Variants in CNTNAP2 observed in about 807,000 individuals in gnomAD.
CNTNAP2 encodes contactin associated protein 2.
In CNTNAP2, 98 loss-of-function variants were observed where a neutral mutation model predicts 155.2. That is an observed-to-expected ratio of 0.63 (90% CI 0.54 to 0.75). The LOEUF (loss-of-function observed/expected upper bound fraction) is 0.75, where lower values mean the gene tolerates loss of function less well. Ranked by LOEUF, CNTNAP2 falls within the 30% of genes least tolerant of loss-of-function variation. The pLI, the probability that CNTNAP2 is intolerant of heterozygous loss-of-function variation, is 0.00. For missense variants in CNTNAP2, 1,727 were observed against 1,688.1 expected (o/e 1.02, Z -0.40); for synonymous variants, 651 against 631.2 (o/e 1.03, Z -0.47).
intron 10 of CNTNAP2, among the ~76,000 whole-genome samples, chr7:147,424,162 T>G (rs1420710675): frequency 6.6e-6 from 1 of 152,172 alleles, no homozygotes; most frequent in East Asian, 1.9e-4. Flanking sequence ...ATACCTTCAA[T>G]CTACCCATTT....
intron 11 of CNTNAP2, among the ~76,000 whole-genome samples, chr7:147,561,571 C>T (rs1404125570): frequency 6.6e-6 from 1 of 152,130 alleles, no homozygotes; most frequent in Non-Finnish European, 1.5e-5. Flanking sequence ...GTAATTAAAG[C>T]ACCTGGAACA....
At chr7:147,801,938 C>T (rs749911450) in intron 13 of CNTNAP2, among the ~76,000 whole-genome samples, 129 of 148,752 alleles carry the variant, frequency 8.7e-4, no homozygotes, top group Admixed American at 1.7e-3. Flanking sequence ...GACGGGGCGG[C>T]TGGCCGGGCG....
At chr7:148,233,035 TC>T (rs1795989994) in intron 20 of CNTNAP2, among the ~76,000 whole-genome samples, 2 of 152,210 alleles carry the variant, frequency 1.3e-5, no homozygotes, top group Non-Finnish European at 2.9e-5. Context: ...TCCAGTGGCA[TC>T]ATTTGTGAAA....
chr7:146,774,316 T>C lies in CNTNAP2; in HGVS notation c.143T>C (p.Phe48Ser), dbSNP rs551931845. The change falls in exon 2 of 24, where the codon TTC becomes TCC. Residue 48 changes from phenylalanine to serine, a missense_variant. Phe to Ser is a radical substitution (Grantham distance 155, BLOSUM62 -2). Transcript: ENST00000361727. The stretch of plus-strand genomic sequence containing the variant: ...GTCTCTGGACTCCCCCATGTGGCTT[T>C]CAGCAGCTCCTCCTCCATCTCTGGT... ...PLVSGLPHVAFSSSSSISGSY... is the reference protein window; with the variant it reads ...PLVSGLPHVASSSSSSISGSY... 61 of 1,614,040 alleles carry C rather than the reference T, an allele frequency of 3.8e-5. No homozygotes were observed. In the South Asian group the frequency reaches 6.5e-4, roughly 17 times the overall value.
chr7:147,618,428 A>G (rs1801332401), intron 12 of CNTNAP2, among the ~76,000 whole-genome samples: 1 of 152,112 alleles, frequency 6.6e-6, no homozygotes, highest in South Asian at 2.1e-4. Context: ...GGTGGAAAAA[A>G]TCTCTCTGAT....
chr7:147,888,230 G>T (rs1270824191), intron 13 of CNTNAP2, among the ~76,000 whole-genome samples: 1 of 151,754 alleles, frequency 6.6e-6, no homozygotes, highest in East Asian at 1.9e-4. Context: ...AGAGAAAAGT[G>T]GATATACTAT....
chr7:147,157,936 G>A (rs1321166738), intron 8 of CNTNAP2, among the ~76,000 whole-genome samples: 3 of 151,880 alleles, frequency 2.0e-5, no homozygotes, highest in African/African-American at 7.3e-5. Flanking sequence ...GACATAGTGG[G>A]ATATTTTATT....
chr7:147,762,676 T>C lies in CNTNAP2; in HGVS notation c.2098+123370T>C, dbSNP rs960666254. Among the ~76,000 whole-genome samples the C allele has an allele frequency of 2.9e-5, 4 of 139,910 alleles. No homozygotes were observed. In the Admixed American group the frequency reaches 3.1e-4, roughly 11 times the overall value. The allele number at this position is 139,910 out of a possible 152,430, so 91.8% of individuals were successfully genotyped here. A position where few individuals can be genotyped will look rare whatever the true frequency, so the allele number is the denominator to read the frequency against. On this transcript the variant is annotated intron_variant, in intron 13 of 23. Transcript: ENST00000361727. ...AGTATTTATGATATTAAGGATATGA[T>C]GCATACATAACTAAACACTGAATGG...
At chr7:147,299,925 G>C (rs530444108) in intron 8 of CNTNAP2, among the ~76,000 whole-genome samples, 1 of 152,210 alleles carries the variant, frequency 6.6e-6, no homozygotes, top group East Asian at 1.9e-4. Context: ...TTCTCTACTT[G>C]ATTGGGTTAT....
At chr7:147,456,548 G>T (rs1797921182) in intron 10 of CNTNAP2, among the ~76,000 whole-genome samples, 1 of 152,056 alleles carries the variant, frequency 6.6e-6, no homozygotes, top group Non-Finnish European at 1.5e-5. Context: ...GGGCAAGTGT[G>T]ATGTGTGCCT....
In CNTNAP2 at chr7:146,537,706, A is replaced by T. The variant is rs147466569; in HGVS notation, c.98-236565A>T. ...AAACTAAGCCTTATTGTTCCCTGGG[A>T]CAGTGAGCATTTCAGGCAGAGTTGG... On this transcript the variant is annotated intron_variant, in intron 1 of 23. Transcript: ENST00000361727. Among the ~76,000 whole-genome samples, 588 of 152,180 alleles carry T rather than the reference A, an allele frequency of 3.9e-3. 1 individual carries two copies. Among genetic ancestry groups the T allele is most frequent in the Non-Finnish European group, 6.1e-3 (415 of 68,008 alleles).
chr7:147,066,768 C>T (rs1332805639), intron 4 of CNTNAP2, among the ~76,000 whole-genome samples: 2 of 152,188 alleles, frequency 1.3e-5, no homozygotes, highest in South Asian at 2.1e-4. Context: ...TTGAAGACCA[C>T]ATGTTAGACT....
chr7:148,155,242 C>T (rs1339951137), intron 17 of CNTNAP2, among the ~76,000 whole-genome samples: 1 of 152,198 alleles, frequency 6.6e-6, no homozygotes, highest in Non-Finnish European at 1.5e-5. Flanking sequence ...ACTCCAAAGA[C>T]TCAGCGCTTT....
intron 15 of CNTNAP2, among the ~76,000 whole-genome samples, chr7:148,112,046 C>T (rs1427396195): frequency 1.3e-5 from 2 of 152,046 alleles, no homozygotes; most frequent in African/African-American, 2.4e-5. Flanking sequence ...GAGAAGACCC[C>T]GTCCAGGTGG....
chr7:147,605,576 T>A (rs1319688082), intron 12 of CNTNAP2, among the ~76,000 whole-genome samples: 1 of 152,164 alleles, frequency 6.6e-6, no homozygotes, highest in Non-Finnish European at 1.5e-5. Context: ...TGAGTCACAA[T>A]CTGGGCATGG....
chr7:147,541,970 T>C (rs1799648312), intron 11 of CNTNAP2, among the ~76,000 whole-genome samples: 1 of 152,202 alleles, frequency 6.6e-6, no homozygotes, highest in Non-Finnish European at 1.5e-5. Context: ...CAGTGGCACA[T>C]CATCTCCTTA....
intron 22 of CNTNAP2, among the ~76,000 whole-genome samples, chr7:148,387,626 T>A (rs1799242422): frequency 6.6e-6 from 1 of 152,144 alleles, no homozygotes; most frequent in Non-Finnish European, 1.5e-5. Context: ...TAAATCAGCA[T>A]TCGTGTTTTT....
At chr7:146,308,130 G>GA (rs902815748) in intron 1 of CNTNAP2, among the ~76,000 whole-genome samples, 1 of 136,676 alleles carries the variant, frequency 7.3e-6, no homozygotes, top group African/African-American at 2.8e-5. Context: ...AAATTTACAA[G>GA]AAAAAAATCA....
At chr7:146,345,478 G>A (rs929876984) in intron 1 of CNTNAP2, among the ~76,000 whole-genome samples, 4 of 152,134 alleles carry the variant, frequency 2.6e-5, no homozygotes, top group African/African-American at 9.7e-5. Context: ...AAAGGCCAAG[G>A]CAGATAGAGC....
Sources: allele counts gnomAD v4.1 joint callset (sites outside exome capture counted in the v4.1 genomes callset), GRCh38; gene constraint gnomAD v4.1.1; transcripts MANE v1.5; gene names NCBI Gene and HGNC (gene_info 2026-07-23, HGNC 2026-07-21).